PDE7B: variants seen among roughly 807,000 people sequenced by gnomAD.
PDE7B encodes the protein 3',5'-cyclic-AMP phosphodiesterase 7B.
A neutral mutation model predicts 56.2 loss-of-function variants in PDE7B; 29 were observed. That is an observed-to-expected ratio of 0.52 (90% CI 0.38 to 0.70). PDE7B has a LOEUF of 0.70. Ranked by LOEUF, PDE7B falls within the 30% of genes least tolerant of loss-of-function variation. The probability of loss-of-function intolerance (pLI) is 0.00; values close to 1 mark genes in which losing one functional copy is unlikely to be tolerated. For missense variants in PDE7B, 490 were observed against 565.0 expected, an observed-to-expected ratio of 0.87 and a Z score of 1.35; for synonymous variants, 197 against 196.9, an observed-to-expected ratio of 1.00 and a Z score of 0.00.
chr6:135,919,708 A>T (rs753180386), intron 1 of PDE7B, among the ~76,000 whole-genome samples: 50 of 152,232 alleles, frequency 3.3e-4, no homozygotes, highest in Non-Finnish European at 7.2e-4. Context: ...CCATTTACTA[A>T]CCAAATGACT....
chr6:135,980,357 T>A (rs943509854), intron 2 of PDE7B, among the ~76,000 whole-genome samples: 1 of 152,156 alleles, frequency 6.6e-6, no homozygotes, highest in South Asian at 2.1e-4. Flanking sequence ...AACCTAGGCA[T>A]TACCATTCAG....
intron 8 of PDE7B, among the ~76,000 whole-genome samples, chr6:136,165,871 C>T (rs1778783986): frequency 6.6e-6 from 1 of 152,010 alleles, no homozygotes; most frequent in Non-Finnish European, 1.5e-5. Context: ...GCCATAAGCC[C>T]ATTTAAAAAC....
intron 5 of PDE7B, among the ~76,000 whole-genome samples, chr6:136,150,264 CAG>C (rs1458787716): frequency 1.3e-5 from 2 of 152,172 alleles, no homozygotes; most frequent in African/African-American, 2.4e-5. Context: ...GCAAAATCGA[CAG>C]GGGGAAATAA....
chr6:136,108,687 G>A (rs199687318), intron 2 of PDE7B, 44 bp from the exon 3 acceptor site: 43 of 1,234,134 alleles, frequency 3.5e-5, no homozygotes, highest in Admixed American at 6.7e-5. Flanking sequence ...GTGAATGCAC[G>A]TGGCAATGTT....
At chr6:136,014,230 T>C (rs1171691947) in intron 2 of PDE7B, among the ~76,000 whole-genome samples, 1 of 152,246 alleles carries the variant, frequency 6.6e-6, no homozygotes, top group Non-Finnish European at 1.5e-5. Context: ...GCTATATCAA[T>C]GAAAATAAAA....
intron 3 of PDE7B, among the ~76,000 whole-genome samples, chr6:136,145,886 T>A (rs976873879): frequency 5.3e-5 from 8 of 152,210 alleles, no homozygotes; most frequent in African/African-American, 1.9e-4. Context: ...TTCAAGTTTT[T>A]ATCTCAAGCC....
intron 2 of PDE7B, among the ~76,000 whole-genome samples, chr6:135,990,096 T>G (rs1283727919): frequency 7.3e-6 from 1 of 137,418 alleles, no homozygotes; most frequent in African/African-American, 2.5e-5. Flanking sequence ...TGGGGTTTTT[T>G]TGTTTTTTTT....
At chr6:136,043,575 C>CAAAAAAAAAAAAAAA (rs34337621) in intron 2 of PDE7B, among the ~76,000 whole-genome samples, 1 of 106,908 alleles carries the variant, frequency 9.4e-6, no homozygotes, top group Non-Finnish European at 1.8e-5. Flanking sequence ...GACATAATAG[C>CAAAAAAAAAAAAAAA]AAAAAAAAAA....
intron 2 of PDE7B, chr6:136,095,672 A>T (rs1408270894): frequency 1.3e-5 from 2 of 152,152 alleles, no homozygotes; most frequent in African/African-American, 2.4e-5. Context: ...TTAAACAGAG[A>T]TTGCACCACA....
intron 2 of PDE7B, among the ~76,000 whole-genome samples, chr6:135,950,862 C>A (rs371492747): frequency 6.6e-6 from 1 of 152,186 alleles, no homozygotes; most frequent in Admixed American, 6.5e-5. Flanking sequence ...GAAAATTACA[C>A]TTCTGACTCA....
intron 2 of PDE7B, among the ~76,000 whole-genome samples, chr6:136,005,635 C>A (rs143118778): frequency 6.6e-6 from 1 of 152,248 alleles, no homozygotes; most frequent in South Asian, 2.1e-4. Flanking sequence ...CAGAGAAATG[C>A]AAATCAAAAC....
intron 2 of PDE7B, among the ~76,000 whole-genome samples, chr6:135,949,565 G>T (rs1368125356): frequency 6.6e-6 from 1 of 152,000 alleles, no homozygotes; most frequent in Non-Finnish European, 1.5e-5. Context: ...TATGTGGCAG[G>T]TGAAATCCAT....
intron 1 of PDE7B, among the ~76,000 whole-genome samples, chr6:135,939,214 C>T (rs1389629900): frequency 6.6e-6 from 1 of 152,326 alleles, no homozygotes; most frequent in African/African-American, 2.4e-5. Context: ...GGTTACGTAG[C>T]CCACAGATTT....
At chr6:136,056,652 C>T (rs1048063467) in intron 2 of PDE7B, among the ~76,000 whole-genome samples, 1 of 150,532 alleles carries the variant, frequency 6.6e-6, no homozygotes, top group Non-Finnish European at 1.5e-5. Context: ...CTGCCACAGC[C>T]TCCCAAATAG....
intron 2 of PDE7B, among the ~76,000 whole-genome samples, chr6:136,058,029 G>T (rs922693967): frequency 3.9e-5 from 6 of 152,066 alleles, no homozygotes; most frequent in African/African-American, 1.4e-4. Flanking sequence ...GAGGCACTGC[G>T]CCCGCCTCTG....
intron 2 of PDE7B, among the ~76,000 whole-genome samples, chr6:136,108,111 G>A (rs1221711351): frequency 1.6e-5 from 2 of 128,338 alleles, no homozygotes; most frequent in Admixed American, 1.7e-4. Context: ...TGGCAACAAA[G>A]CGAGACTCCA....
At chr6:136,043,782 CT>C (rs1396527227) in intron 2 of PDE7B, 1 of 152,138 alleles carries the variant, frequency 6.6e-6, no homozygotes, top group African/African-American at 2.4e-5. Flanking sequence ...TCAACTCTCT[CT>C]ATCCATTGTC....
chr6:136,181,694 G>T (rs902855022), intron 11 of PDE7B, among the ~76,000 whole-genome samples: 6 of 151,784 alleles, frequency 4.0e-5, no homozygotes, highest in Non-Finnish European at 8.8e-5. Flanking sequence ...AATGTCATTT[G>T]AGGTCAATGT....
intron 2 of PDE7B, among the ~76,000 whole-genome samples, chr6:136,048,631 T>C (rs569710648): frequency 2.6e-5 from 4 of 152,262 alleles, no homozygotes; most frequent in Admixed American, 2.6e-4. Context: ...GAGGAGTTTA[T>C]CCTATAGGGA....
Sources: gnomAD v4.1 joint callset for allele counts (sites outside exome capture counted in the v4.1 genomes callset) on GRCh38, gnomAD v4.1.1 for gene constraint, MANE v1.5 for transcripts, NCBI Gene and HGNC (gene_info 2026-07-23, HGNC 2026-07-21) for gene names.